AGMO: variants seen among roughly 807,000 people sequenced by gnomAD.
AGMO encodes the protein alkylglycerol monooxygenase, also known as glyceryl-ether monooxygenase.
A neutral mutation model predicts 60.2 loss-of-function variants in AGMO; 75 were observed. The ratio of observed to expected loss-of-function variants is 1.25; its 90% CI spans 1.03 to 1.51. The LOEUF (loss-of-function observed/expected upper bound fraction) is 1.51. AGMO is among the 40% of genes most tolerant of loss of function. The pLI is 0.00. For missense variants in AGMO, 763 were observed against 525.5 expected (o/e 1.45, Z -4.42); for synonymous variants, 261 against 177.1 (o/e 1.47, Z -3.76).
intron 5 of AGMO, among the ~76,000 whole-genome samples, chr7:15,394,993 G>T (rs1156326913): frequency 6.6e-6 from 1 of 152,158 alleles, no homozygotes; most frequent in Non-Finnish European, 1.5e-5. Flanking sequence ...CCAGGTAGGT[G>T]TCATGAAAAA....
At position 15,206,280 on chromosome 7, in the gene AGMO, A is replaced by G. The variant is rs909476828; in HGVS notation, c.1264-4921T>C. On this transcript the variant is annotated intron_variant, in intron 12 of 12. Transcript: ENST00000342526. ...TTTTTCTAGAATTTTGCAAGAACCC[A>G]GTTTCACAAATGCCAACTTACAAGA... 2.6e-5 allele frequency among the ~76,000 whole-genome samples: 4 copies of G among 152,252 alleles called. No homozygotes were observed. The East Asian group carries it at 7.7e-4, about 29-fold the overall frequency.
chr7:15,349,058 C>A (rs1210398198), intron 12 of AGMO, among the ~76,000 whole-genome samples: 4 of 152,090 alleles, frequency 2.6e-5, no homozygotes, highest in Non-Finnish European at 2.9e-5. Flanking sequence ...TTATAAGTAA[C>A]ACTTTATGAG....
At chr7:15,505,376 A>C (rs1783485876) in intron 3 of AGMO, among the ~76,000 whole-genome samples, 1 of 151,946 alleles carries the variant, frequency 6.6e-6, no homozygotes, top group South Asian at 2.1e-4. Flanking sequence ...CAAAGCTAAA[A>C]CGTGTCTGTC....
At chr7:15,348,516 G>C (rs185761780) in intron 12 of AGMO, among the ~76,000 whole-genome samples, 13 of 151,966 alleles carry the variant, frequency 8.6e-5, no homozygotes, top group Admixed American at 6.6e-4. Flanking sequence ...TAAATGCCTT[G>C]GAATATCCAT....
chr7:15,117,726 G>T, the AGMO span, among the ~76,000 whole-genome samples: 13 of 152,074 alleles, frequency 8.5e-5, no homozygotes, highest in East Asian at 1.7e-3. Context: ...CCACATGGCC[G>T]CATGCTTTCT....
At chr7:15,509,912 G>A (rs1783625123) in intron 3 of AGMO, among the ~76,000 whole-genome samples, 1 of 152,118 alleles carries the variant, frequency 6.6e-6, no homozygotes, top group African/African-American at 2.4e-5. Flanking sequence ...AAAGGCAGTA[G>A]ATAACAAGTA....
At chr7:15,552,023 G>A (rs1268112600) in intron 2 of AGMO, among the ~76,000 whole-genome samples, 5 of 151,424 alleles carry the variant, frequency 3.3e-5, no homozygotes, top group South Asian at 4.2e-4. Context: ...CCACATATCT[G>A]CAACTATCTG....
chr7:15,544,881 G>A lies in AGMO; in HGVS notation c.300C>T (p.Ile100=). ...AATTGAACAGCCTGTAGTTCTCCCA[G>A]ATATAAATATAACTGGTCAGTTCAA... ...RSIELTSYIY[I]WENYRLFNLP... Residue 100 remains isoleucine, a synonymous_variant, in exon 3 of 13, where the codon ATC becomes ATT. Transcript: ENST00000342526. 1.9e-6 allele frequency: 3 copies of A among 1,596,340 alleles called. No homozygotes were observed. The highest frequency in any genetic ancestry group is 2.6e-6 in the Non-Finnish European group (3 of 1,170,372).
intron 12 of AGMO, among the ~76,000 whole-genome samples, chr7:15,203,425 T>G (rs1781356302): frequency 1.3e-5 from 2 of 152,124 alleles, no homozygotes; most frequent in African/African-American, 2.4e-5. Flanking sequence ...CTTTTCCAAT[T>G]ATCTGAAATG....
At chr7:15,477,222 A>G (rs1373448185) in intron 3 of AGMO, among the ~76,000 whole-genome samples, 1 of 152,118 alleles carries the variant, frequency 6.6e-6, no homozygotes, top group African/African-American at 2.4e-5. Context: ...AAACATTAAA[A>G]TAAATATTGA....
At chr7:15,138,581 A>G in the AGMO span, among the ~76,000 whole-genome samples, 2 of 150,626 alleles carry the variant, frequency 1.3e-5, no homozygotes, top group Non-Finnish European at 3.0e-5. Context: ...GTTTACAACT[A>G]TCTGCATTTC....
chr7:15,480,204 G>T (rs1267820975), intron 3 of AGMO, among the ~76,000 whole-genome samples: 1 of 152,160 alleles, frequency 6.6e-6, no homozygotes, highest in African/African-American at 2.4e-5. Context: ...AATTGCTAGT[G>T]CGAGTAATTA....
chr7:15,404,430 G>A (rs1784631081), intron 5 of AGMO, among the ~76,000 whole-genome samples: 1 of 151,828 alleles, frequency 6.6e-6, no homozygotes, highest in African/African-American at 2.4e-5. Flanking sequence ...TGTTAAGCAT[G>A]TTCCCTCAAA....
At chr7:15,521,349 A>G (rs906647537) in intron 3 of AGMO, among the ~76,000 whole-genome samples, 1 of 152,172 alleles carries the variant, frequency 6.6e-6, no homozygotes, top group Non-Finnish European at 1.5e-5. Context: ...TCTTTTTATG[A>G]GGCCAGCATC....
intron 12 of AGMO, among the ~76,000 whole-genome samples, chr7:15,312,537 C>A (rs1021267077): frequency 1.4e-3 from 4 of 2,830 alleles, no homozygotes; most frequent in South Asian, 0.024. Flanking sequence ...CAGTGCATGG[C>A]GGGGGCGGTG....
At chr7:15,514,827 G>A (rs1783768144) in intron 3 of AGMO, among the ~76,000 whole-genome samples, 1 of 152,128 alleles carries the variant, frequency 6.6e-6, no homozygotes, top group African/African-American at 2.4e-5. Flanking sequence ...TCCAGAAATG[G>A]GTTCATCAAC....
intron 3 of AGMO, among the ~76,000 whole-genome samples, chr7:15,524,819 G>T (rs1005539625): frequency 6.8e-6 from 1 of 147,726 alleles, no homozygotes; most frequent in Non-Finnish European, 1.5e-5. Context: ...CTGAGATCAC[G>T]CCATTGCACT....
At chr7:15,302,970 C>A (rs1439081001) in intron 12 of AGMO, among the ~76,000 whole-genome samples, 1 of 152,112 alleles carries the variant, frequency 6.6e-6, no homozygotes, top group Non-Finnish European at 1.5e-5. Flanking sequence ...CCACTGCAAA[C>A]TTGGTTGTAT....
intron 3 of AGMO, among the ~76,000 whole-genome samples, chr7:15,512,153 T>C (rs1783693068): frequency 6.6e-6 from 1 of 152,224 alleles, no homozygotes; most frequent in Non-Finnish European, 1.5e-5. Flanking sequence ...GTTACAACTC[T>C]TTAATTGTAC....
Sources: gnomAD v4.1 joint callset for allele counts (sites outside exome capture counted in the v4.1 genomes callset) on GRCh38, gnomAD v4.1.1 for gene constraint, MANE v1.5 for transcripts, NCBI Gene and HGNC (gene_info 2026-07-23, HGNC 2026-07-21) for gene names.